DBT: variants seen among roughly 807,000 people sequenced by gnomAD.
The protein encoded by DBT is dihydrolipoamide branched chain transacylase E2.
In DBT, 40 loss-of-function variants were observed where a neutral mutation model predicts 51.3. The observed-to-expected ratio is 0.78, with a 90% CI of 0.61 to 1.02. The LOEUF is 1.02. Ranked by LOEUF, DBT falls within the 50% of genes least tolerant of loss-of-function variation. The pLI is 0.00. For synonymous variants in DBT, 181 were observed against 190.4 expected, an observed-to-expected ratio of 0.95 and a Z score of 0.41; for missense variants, 510 against 580.2, an observed-to-expected ratio of 0.88 and a Z score of 1.24.
At chr1:100,215,823 A>G (rs1662441626) in intron 6 of DBT, among the ~76,000 whole-genome samples, 160 bp downstream of exon 6, 1 of 151,480 alleles carries the variant, frequency 6.6e-6, no homozygotes, top group African/African-American at 2.4e-5. Context: ...ACTCCATCTC[A>G]AAAAAAAAGA....
chr1:100,211,047 A>T, intron 7 of DBT: 1 of 774,178 alleles, frequency 1.3e-6, no homozygotes, highest in South Asian at 1.4e-5. Context: ...GACCAGCCAA[A>T]GTTCCAAAGA....
At chr1:100,207,914 C>T (rs1292142976) in intron 8 of DBT, among the ~76,000 whole-genome samples, 3 of 152,078 alleles carry the variant, frequency 2.0e-5, no homozygotes, top group East Asian at 3.9e-4. Flanking sequence ...GGGCGGATCA[C>T]GAGGTCAGGA....
At chr1:100,224,689 G>C (rs7526860) in intron 4 of DBT, among the ~76,000 whole-genome samples, 120,761 of 151,908 alleles carry the variant, frequency 0.79, 49,368 homozygotes, top group East Asian at 0.95. Flanking sequence ...TACTGAGATA[G>C]AGCTGACACA....
At chr1:100,232,652 G>A (rs1663613608) in intron 3 of DBT, among the ~76,000 whole-genome samples, 1 of 152,140 alleles carries the variant, frequency 6.6e-6, no homozygotes, top group South Asian at 2.1e-4. Context: ...TGCCCAGACT[G>A]GAGTGCAGTG....
In DBT at chr1:100,240,388, C is replaced by T. The variant is rs1272755476; in HGVS notation, c.175+373G>A. Among the ~76,000 whole-genome samples, 5 of 151,930 alleles carry T rather than the reference C, an allele frequency of 3.3e-5. No homozygotes were observed. In the East Asian group the frequency reaches 7.7e-4, roughly 23 times the overall value. On this transcript the variant is annotated intron_variant, in intron 2 of 10. Coordinates refer to ENST00000370132, the MANE Select transcript of DBT (RefSeq NM_001918.5). ...ATATTATAAAGACACAAGTGCTGGG[C>T]GAGATAAGTTAATGCCTGTAATCCC...
chr1:100,232,836 A>G (rs1159832363), intron 3 of DBT, among the ~76,000 whole-genome samples: 5 of 152,350 alleles, frequency 3.3e-5, no homozygotes, highest in Admixed American at 6.5e-5. Flanking sequence ...AGGAAGGAAG[A>G]GACAATAGAG....
At chr1:100,201,507 C>T (rs933188151) in intron 10 of DBT, among the ~76,000 whole-genome samples, 1 of 152,060 alleles carries the variant, frequency 6.6e-6, no homozygotes, top group Non-Finnish European at 1.5e-5. Flanking sequence ...AAAACTTCCC[C>T]GAACTAGCAA....
rs142885716 is a variant in DBT at position 100,202,314 on chromosome 1, G to T, written c.1281+3916C>A. Among the ~76,000 whole-genome samples the T allele has an allele frequency of 7.3e-4, 111 of 152,152 alleles. No individual in the cohort carries two copies. In the East Asian group the frequency reaches 0.021, roughly 29 times the overall value. Reference sequence around the variant, plus strand: ...ACCAACAAAGATAAAAAAAAGACAAGGGCATTACATAATGGTAAAGGGATC... The same window carrying T: ...ACCAACAAAGATAAAAAAAAGACAATGGCATTACATAATGGTAAAGGGATC... On this transcript the variant is annotated intron_variant, in intron 10 of 10. Transcript: ENST00000370132.
chr1:100,190,516 T>TA lies in DBT; in HGVS notation c.*5738dup, dbSNP rs1251645339. On this transcript the variant is annotated 3_prime_UTR_variant, in exon 11 of 11. Transcript: ENST00000370132. ...GGATCAGTCTCTAATACCTCCTCCA[T>TA]AAGGAAATGGAAATAAATTTTAATC... The TA allele has an allele frequency of 6.6e-6, 1 of 152,112 alleles. No individual in the cohort carries two copies. Among genetic ancestry groups the TA allele is most frequent in the Non-Finnish European group, 1.5e-5 (1 of 68,038 alleles). 9.4% of individuals were successfully genotyped at this position (152,112 alleles called of 1,614,324 possible).
intron 10 of DBT, among the ~76,000 whole-genome samples, chr1:100,200,608 C>G (rs1015039011): frequency 1.3e-5 from 2 of 152,220 alleles, no homozygotes; most frequent in African/African-American, 4.8e-5. Context: ...TGCCTCCTGA[C>G]GGGGAGACAC....
chr1:100,246,080 A>G (rs1433213124), intron 1 of DBT, among the ~76,000 whole-genome samples: 1 of 152,044 alleles, frequency 6.6e-6, no homozygotes, highest in Non-Finnish European at 1.5e-5. Context: ...TGGCCAACAC[A>G]GCGAAACCCC....
chr1:100,196,425 AGAAAT>A lies in DBT; in HGVS notation c.1282-8_1282-4del, dbSNP rs761618674. On this transcript the variant is annotated splice_region_variant and splice_polypyrimidine_tract_variant and intron_variant, in intron 10 of 10. Transcript: ENST00000370132. ...TTCTGGTTAAATCGGGGAATGGCCT[AGAAAT>A]GAAAAAAAAAAAAAAAAAAAAAAAA... The A allele has an allele frequency of 2.1e-5, 16 of 764,850 alleles. No homozygotes were observed. Among genetic ancestry groups the A allele is most frequent in the Admixed American group, 6.3e-5 (2 of 31,840 alleles). The allele number at this position is 764,850 out of a possible 1,614,324, so 47.4% of individuals were successfully genotyped here.
intron 5 of DBT, 112 bp from the exon 6 acceptor site, chr1:100,216,311 G>A: frequency 1.3e-6 from 1 of 769,436 alleles, no homozygotes; most frequent in South Asian, 1.5e-5. Context: ...CAATAAATTA[G>A]TAAAAGGAAA....
intron 4 of DBT, among the ~76,000 whole-genome samples, chr1:100,230,497 T>G (rs1174421467): frequency 6.6e-6 from 1 of 152,198 alleles, no homozygotes; most frequent in African/African-American, 2.4e-5. Flanking sequence ...TTCCTTTTGC[T>G]ATTGCCTTTT....
At chr1:100,207,756 T>C (rs967667781) in intron 8 of DBT, among the ~76,000 whole-genome samples, 2 of 152,038 alleles carry the variant, frequency 1.3e-5, no homozygotes, top group African/African-American at 4.8e-5. Context: ...GGAGGATCAT[T>C]TGACCTCAAG....
At chr1:100,202,574 C>T (rs1305350519) in intron 10 of DBT, among the ~76,000 whole-genome samples, 1 of 152,156 alleles carries the variant, frequency 6.6e-6, no homozygotes, top group East Asian at 1.9e-4. Context: ...CTGGACCAAG[C>T]GGACCTAATA....
chr1:100,225,710 A>G (rs1049420137), intron 4 of DBT, among the ~76,000 whole-genome samples: 30 of 152,004 alleles, frequency 2.0e-4, no homozygotes, highest in African/African-American at 7.0e-4. Flanking sequence ...CTGGAATCCC[A>G]GCTTCTAGGG....
rs1279644651 is a variant in DBT, at chr1:100,249,814, C to T, written c.7G>A (p.Ala3Thr). The change falls in exon 1 of 11, where the codon GCA becomes ACA. Residue 3 changes from alanine (A) to threonine (T), a missense_variant. Physicochemically the swap from Ala to Thr is moderately conservative, Grantham distance 58. Transcript: ENST00000370132. The stretch of plus-strand genomic sequence containing the variant: ...CTCCAGGTTCTCAGCATACGGACTG[C>T]AGCCATCTTACCCCGGAAATGACAA... Reference protein sequence around the residue: MAAVRMLRTWSRN... With the variant: MATVRMLRTWSRN... 6.2e-7 allele frequency: 1 copy of T among 1,614,066 alleles called. No individual in the cohort carries two copies. The highest frequency in any genetic ancestry group is 2.2e-5 in the East Asian group (1 of 44,888).
intron 1 of DBT, 58 bp downstream of exon 1, chr1:100,249,712 T>A (rs1263444961): frequency 6.4e-7 from 1 of 1,564,174 alleles, no homozygotes; most frequent in African/African-American, 1.4e-5. Flanking sequence ...ACACCACTCC[T>A]GGATGACTCC....
Sources: gnomAD v4.1 joint callset for allele counts (sites outside exome capture counted in the v4.1 genomes callset) on GRCh38, gnomAD v4.1.1 for gene constraint, MANE v1.5 for transcripts, NCBI Gene and HGNC (gene_info 2026-07-23, HGNC 2026-07-21) for gene names.